The following PDLIM5 variants were observed in gnomAD, a reference collection of about 807,000 sequenced individuals.
The protein encoded by PDLIM5 is PDZ and LIM domain protein 5.
In PDLIM5, 34 loss-of-function variants were observed where a neutral mutation model predicts 64.2. The observed-to-expected ratio is 0.53, with a 90% confidence interval of 0.40 to 0.71. The LOEUF is 0.71. Among genes scored for constraint, PDLIM5 ranks in the 30% least tolerant of loss-of-function variants. The pLI, the probability that PDLIM5 is intolerant of heterozygous loss-of-function variation, is 0.00. For missense variants in PDLIM5, 683 were observed against 733.6 expected, an observed-to-expected ratio of 0.93 and a Z score of 0.80; for synonymous variants, 253 against 269.1, an observed-to-expected ratio of 0.94 and a Z score of 0.59.
At chr4:94,453,552 G>A (rs1723053215) in intron 1 of PDLIM5, among the ~76,000 whole-genome samples, 1 of 152,156 alleles carries the variant, frequency 6.6e-6, no homozygotes, top group East Asian at 1.9e-4. Flanking sequence ...TGGGGCCAGA[G>A]GAAGTTGAGC....
intron 2 of PDLIM5, among the ~76,000 whole-genome samples, chr4:94,475,212 A>G (rs1725220806): frequency 6.6e-6 from 1 of 151,404 alleles, no homozygotes; most frequent in South Asian, 2.1e-4. Flanking sequence ...AGGTTGTTGT[A>G]TAAAGGAGGG....
chr4:94,543,283 G>GT lies in PDLIM5; in HGVS notation c.248+19418dup, dbSNP rs566166145. Among the ~76,000 whole-genome samples, 415 of 149,276 alleles carry GT rather than the reference G, an allele frequency of 2.8e-3. 1 individual carries two copies. The highest frequency in any genetic ancestry group is 0.02 in the South Asian group (93 of 4,714). On this transcript the variant is annotated intron_variant, in intron 3 of 12. Transcript: ENST00000317968. Reference sequence around the variant, plus strand: ...CTCCATCTTCAGGTGACTGTTGTCAGTTTTTTTTTTAATTATTTCTAATTT... The same window carrying GT: ...CTCCATCTTCAGGTGACTGTTGTCAGTTTTTTTTTTTAATTATTTCTAATTT...
At chr4:94,521,648 T>C (rs1729838596) in intron 2 of PDLIM5, among the ~76,000 whole-genome samples, 1 of 151,410 alleles carries the variant, frequency 6.6e-6, no homozygotes, top group African/African-American at 2.4e-5. Flanking sequence ...AGAAAAGTTA[T>C]CTGGTTATGA....
chr4:94,613,458 G>A (rs1738530531), intron 7 of PDLIM5, among the ~76,000 whole-genome samples: 1 of 152,152 alleles, frequency 6.6e-6, no homozygotes, highest in African/African-American at 2.4e-5. Flanking sequence ...AAATCAGGTT[G>A]CTGACACTGA....
Position 94,585,239 on chromosome 4 carries a change from T to C in PDLIM5, c.711-326T>C, listed in dbSNP as rs543130262. ...CCCAGTAGCTGGGACTACAGGCACG[T>C]GCCACCATTCCCAGCTAATTTTTTG... On this transcript the variant is annotated intron_variant, in intron 5 of 12. Coordinates refer to ENST00000317968, the MANE Select transcript of PDLIM5 (RefSeq NM_006457.5). 8.3e-3 allele frequency among the ~76,000 whole-genome samples: 1,267 copies of C among 152,150 alleles called. 11 individuals are homozygous for C. Among genetic ancestry groups the C allele is most frequent in the African/African-American group, 0.027 (1,120 of 41,522 alleles).
chr4:94,544,644 G>A (rs1732146347), intron 3 of PDLIM5, among the ~76,000 whole-genome samples: 1 of 152,152 alleles, frequency 6.6e-6, no homozygotes, highest in South Asian at 2.1e-4. Flanking sequence ...GGCATTCTCT[G>A]TATGAAATCT....
At chr4:94,510,914 G>A (rs992997807) in intron 2 of PDLIM5, among the ~76,000 whole-genome samples, 11 of 152,118 alleles carry the variant, frequency 7.2e-5, no homozygotes, top group South Asian at 2.1e-4. Context: ...AAAATAATAC[G>A]TATGTAGCAA....
At chr4:94,643,364 T>C (rs1439951463) in intron 9 of PDLIM5, among the ~76,000 whole-genome samples, 1 of 152,192 alleles carries the variant, frequency 6.6e-6, no homozygotes, top group East Asian at 1.9e-4. Flanking sequence ...AGTCAAATTA[T>C]GTTAGAAGCA....
chr4:94,665,067 G>A lies in PDLIM5; in HGVS notation c.*1000G>A, dbSNP rs989998781. The A allele has an allele frequency of 3.1e-6, 3 of 973,830 alleles. No individual in the cohort carries two copies. In the African/African-American group the frequency reaches 5.3e-5, roughly 17 times the overall value. The allele number at this position is 973,830 out of a possible 1,614,324, so 60.3% of individuals were successfully genotyped here. A position where few individuals can be genotyped will look rare whatever the true frequency, so the allele number is the denominator to read the frequency against. On this transcript the variant is annotated 3_prime_UTR_variant, in exon 13 of 13. Coordinates refer to ENST00000317968, the MANE Select transcript of PDLIM5 (RefSeq NM_006457.5). ...TTTTGCCTTTTACTAAAATGTGATT[G>A]TTTCTATTCATTGTGTATGCTTCAT...
At position 94,665,269 on chromosome 4, in the gene PDLIM5, G is replaced by A. The variant is rs1268366060; in HGVS notation, c.*1202G>A. 1.5e-5 allele frequency: 5 copies of A among 330,302 alleles called. No individual in the cohort carries two copies. The Admixed American group carries it at 3.2e-4, about 21-fold the overall frequency. The allele number at this position is 330,302 out of a possible 1,614,324, so 20.5% of individuals were successfully genotyped here. A position where few individuals can be genotyped will look rare whatever the true frequency, so the allele number is the denominator to read the frequency against. On this transcript the variant is annotated 3_prime_UTR_variant, in exon 13 of 13. Coordinates refer to ENST00000317968, the MANE Select transcript of PDLIM5 (RefSeq NM_006457.5). The stretch of plus-strand genomic sequence containing the variant: ...GAGGCCAAGACGGGCGGATCATGAG[G>A]TCAAGAGATCAAGATCATCCTGGCC...
intron 2 of PDLIM5, among the ~76,000 whole-genome samples, chr4:94,471,354 A>G (rs1028862555): frequency 6.6e-6 from 1 of 152,088 alleles, no homozygotes; most frequent in Non-Finnish European, 1.5e-5. Flanking sequence ...TTTATCTTAG[A>G]TTTAAAGTAA....
At chr4:94,510,039 G>T (rs1728733822) in intron 2 of PDLIM5, among the ~76,000 whole-genome samples, 1 of 152,102 alleles carries the variant, frequency 6.6e-6, no homozygotes, top group Non-Finnish European at 1.5e-5. Context: ...TCAGCATCTG[G>T]CACTTATGTA....
intron 7 of PDLIM5, among the ~76,000 whole-genome samples, chr4:94,592,085 A>G (rs1736716759): frequency 6.6e-6 from 1 of 152,168 alleles, no homozygotes. Flanking sequence ...CATTTACTTT[A>G]TTTTTTTGCC....
intron 7 of PDLIM5, among the ~76,000 whole-genome samples, chr4:94,603,490 C>G (rs1043790513): frequency 6.6e-6 from 1 of 152,068 alleles, no homozygotes; most frequent in Admixed American, 6.5e-5. Flanking sequence ...CCCAACCCTC[C>G]GCAAACTGGG....
intron 8 of PDLIM5, among the ~76,000 whole-genome samples, chr4:94,629,201 A>G (rs568404881): frequency 1.3e-5 from 2 of 151,966 alleles, no homozygotes; most frequent in African/African-American, 4.8e-5. Flanking sequence ...ATACAAAAAT[A>G]AGCTGGGCGT....
intron 2 of PDLIM5, 122 bp from the exon 3 acceptor site, chr4:94,523,602 A>T (rs1730023662): frequency 3.7e-6 from 2 of 545,192 alleles, no homozygotes; most frequent in South Asian, 8.6e-5. Flanking sequence ...TAAACAAGAC[A>T]GTTTTATGTT....
At chr4:94,599,766 T>C (rs1361544180) in intron 7 of PDLIM5, among the ~76,000 whole-genome samples, 4 of 152,158 alleles carry the variant, frequency 2.6e-5, no homozygotes, top group African/African-American at 9.6e-5. Context: ...GAAGGCCCTA[T>C]AGTGAATGGT....
intron 7 of PDLIM5, among the ~76,000 whole-genome samples, chr4:94,607,358 A>G (rs1159360754): frequency 6.6e-6 from 1 of 151,604 alleles, no homozygotes; most frequent in African/African-American, 2.4e-5. Flanking sequence ...TGAACTTAAC[A>G]TTGAGTTCTT....
intron 7 of PDLIM5, among the ~76,000 whole-genome samples, chr4:94,597,988 A>G (rs1011710934): frequency 3.3e-5 from 5 of 152,168 alleles, no homozygotes; most frequent in Admixed American, 6.5e-5. Context: ...AATTTTAACA[A>G]TTGATCAAAG....
Sources: gnomAD v4.1 joint callset for allele counts (sites outside exome capture counted in the v4.1 genomes callset) on GRCh38, gnomAD v4.1.1 for gene constraint, MANE v1.5 for transcripts, NCBI Gene and HGNC (gene_info 2026-07-23, HGNC 2026-07-21) for gene names.